The following FGFRL1 variants were observed in gnomAD, a reference collection of about 807,000 sequenced individuals.
FGFRL1 encodes fibroblast growth factor receptor-like 1.
Under a neutral mutation model 36.8 loss-of-function variants are expected in FGFRL1, and 24 were observed. That is an observed-to-expected ratio of 0.65 (90% CI 0.47 to 0.92). FGFRL1 has a LOEUF of 0.92. FGFRL1 is among the 40% of genes least tolerant of loss of function. The pLI is 0.00. For synonymous variants in FGFRL1, 422 were observed against 344.1 expected (o/e 1.23, Z -2.50); for missense variants, 785 against 753.4 (o/e 1.04, Z -0.49).
upstream of FGFRL1, among the ~76,000 whole-genome samples, chr4:1,010,526 G>C (rs1715530381): frequency 6.6e-6 from 1 of 152,252 alleles, no homozygotes; most frequent in South Asian, 2.1e-4. Flanking sequence ...TCCAGTTTCA[G>C]CCTTTCCTGG....
intron 2 of FGFRL1, among the ~76,000 whole-genome samples, chr4:1,013,680 T>G (rs1014254668): frequency 3.3e-5 from 5 of 152,254 alleles, no homozygotes; most frequent in East Asian, 1.9e-4. Context: ...TTGATCTGTT[T>G]GGCCTCCCCA....
chr4:1,022,657 G>A (rs1211294954), intron 3 of FGFRL1, among the ~76,000 whole-genome samples, 182 bp downstream of exon 3: 2 of 152,146 alleles, frequency 1.3e-5, no homozygotes, highest in African/African-American at 4.8e-5. Context: ...CAGGTATCCT[G>A]TCCCGTTCCT....
intron 2 of FGFRL1, among the ~76,000 whole-genome samples, chr4:1,021,729 G>T (rs1193599396): frequency 2.0e-5 from 3 of 152,208 alleles, no homozygotes; most frequent in Admixed American, 6.5e-5. Context: ...GGGGCCTGGG[G>T]CCTCTTTGGG....
chr4:1,023,518 C>T lies in FGFRL1; in HGVS notation c.353-123C>T, dbSNP rs1037150653. 3 of 890,526 alleles carry T rather than the reference C, an allele frequency of 3.4e-6. No individual in the cohort carries two copies. The highest frequency in any genetic ancestry group is 3.3e-5 in the African/African-American group (2 of 59,932). The allele number at this position is 890,526 out of a possible 1,614,324, so 55.2% of individuals were successfully genotyped here. A position where few individuals can be genotyped will look rare whatever the true frequency, so the allele number is the denominator to read the frequency against. On this transcript the variant is annotated intron_variant, in intron 3 of 6. Coordinates refer to ENST00000510644, the MANE Select transcript of FGFRL1 (RefSeq NM_001004356.3). The surrounding 1 kb of genome is among the most constrained non-coding windows in gnomAD (Gnocchi z 6.0). ...GGGCTGTGGGTGTGTGGCGCAGCCC[C>T]CTGCCTGGGTGTCCAGGGCTGTCCC...
chr4:1,025,882 CGT>C lies in FGFRL1; in HGVS notation c.*539_*540del, dbSNP rs1553920243. On this transcript the variant is annotated 3_prime_UTR_variant, in exon 7 of 7. Transcript: ENST00000510644. ...TATTGCCTGGACACACACACACACA[CGT>C]GTGCACAGATATGCTGTCTGGACAC... is the stretch of plus-strand genomic sequence containing the variant. 22 of 175,550 alleles carry C rather than the reference CGT, an allele frequency of 1.3e-4. No homozygotes were observed. The highest frequency in any genetic ancestry group is 8.4e-4 in the South Asian group (6 of 7,150). 10.9% of individuals were successfully genotyped at this position (175,550 alleles called of 1,614,324 possible).
rs539284106 is a variant in FGFRL1, at chr4:1,021,838, A to T, written c.80-365A>T. Among the ~76,000 whole-genome samples the T allele has an allele frequency of 4.8e-4, 73 of 152,276 alleles. 2 individuals carry two copies. The South Asian group carries it at 0.014, about 30-fold the overall frequency. ...GGCTGCTTCCTGTATGACCAGAAGG[A>T]GACTCTGCCCTTTTGGTTGGTGGTT... On this transcript the variant is annotated intron_variant, in intron 2 of 6. Transcript: ENST00000510644.
chr4:1,023,995 G>T lies in FGFRL1; in HGVS notation c.612G>T (p.Trp204Cys). ...CCGCTGAGCCCAGGAAGAAGAAGTG[G>T]ACACTGAGCCTGAAGAACCTGCGGC... ...PEAAEPRKKK[W>C]TLSLKNLRPE... is the part of the protein sequence containing the mutation. Residue 204 changes from tryptophan to cysteine, a missense_variant, in exon 5 of 7, where the codon TGG (tryptophan) becomes TGT (cysteine). Physicochemically the swap from Trp to Cys is radical, Grantham distance 215. Transcript: ENST00000510644. The surrounding 1 kb of genome is among the most constrained non-coding windows in gnomAD (Gnocchi z 6.0). The T allele has an allele frequency of 6.2e-7, 1 of 1,606,582 alleles. No individual in the cohort carries two copies.
Position 1,025,921 on chromosome 4 carries a change from C to CG in FGFRL1, c.*574_*575insG. ...TGCTGTCTGGACACGCACACACATGCAGATATGCTGCCTGGACACACACTT... is the reference window on the plus strand; with the variant it reads ...TGCTGTCTGGACACGCACACACATGCGAGATATGCTGCCTGGACACACACTT... On this transcript the variant is annotated 3_prime_UTR_variant, in exon 7 of 7. Coordinates refer to ENST00000510644, the MANE Select transcript of FGFRL1 (RefSeq NM_001004356.3). 1.2e-5 allele frequency: 2 copies of CG among 164,864 alleles called. No homozygotes were observed. The highest frequency in any genetic ancestry group is 2.6e-5 in the Non-Finnish European group (2 of 76,464). 10.2% of individuals were successfully genotyped at this position (164,864 alleles called of 1,614,324 possible).
At chr4:1,012,135 C>A (rs1157769783) in intron 1 of FGFRL1, 181 bp downstream of exon 1, 9 of 187,716 alleles carry the variant, frequency 4.8e-5, no homozygotes, top group Non-Finnish European at 2.2e-5. Context: ...CACGTGGGCC[C>A]CCCCCAGCGC....
chr4:1,022,559 G>A, intron 3 of FGFRL1, 84 bp downstream of exon 3: 1 of 1,463,448 alleles, frequency 6.8e-7, no homozygotes, highest in Non-Finnish European at 9.0e-7. Flanking sequence ...GACACACCTG[G>A]GGCCCGAGAG....
intron 3 of FGFRL1, among the ~76,000 whole-genome samples, chr4:1,022,761 G>A (rs777496069): frequency 6.6e-5 from 10 of 152,244 alleles, no homozygotes; most frequent in Non-Finnish European, 8.8e-5. Flanking sequence ...CAGAAGGGCT[G>A]GGGCCCGAGG....
In FGFRL1 at chr4:1,024,530, C is replaced by T. The variant is rs200863947; in HGVS notation, c.938C>T (p.Ser313Leu). 223 of 1,612,456 alleles carry T rather than the reference C, an allele frequency of 1.4e-4. No homozygotes were observed. Among genetic ancestry groups the T allele is most frequent in the Non-Finnish European group, 1.8e-4 (215 of 1,179,864 alleles). ...GTGCTGCCCACGGGTGACGTGTGGT[C>T]GCGGCCCGACGGCTCCTACCTCAAT... The part of the protein sequence containing the change: ...FVVLPTGDVW[S>L]RPDGSYLNKL... The change falls in exon 6 of 7, where the codon TCG becomes TTG. Residue 313 changes from serine to leucine, a missense_variant. By Grantham distance (145) the Ser-to-Leu change is moderately radical. Transcript: ENST00000510644.
chr4:1,024,750 C>T (rs771754046), intron 6 of FGFRL1, 86 bp downstream of exon 6: 23 of 1,450,252 alleles, frequency 1.6e-5, no homozygotes, highest in Non-Finnish European at 1.9e-5. Flanking sequence ...GGTGGGGCCC[C>T]ACCCTTCCCT....
intron 2 of FGFRL1, among the ~76,000 whole-genome samples, chr4:1,017,678 C>T (rs550795453): frequency 6.6e-6 from 1 of 152,286 alleles, no homozygotes; most frequent in South Asian, 2.1e-4. Flanking sequence ...GGTCCTAGCT[C>T]GTGTCTTCTC....
chr4:1,012,869 G>A (rs960419569), intron 2 of FGFRL1, among the ~76,000 whole-genome samples: 62 of 152,260 alleles, frequency 4.1e-4, no homozygotes, highest in African/African-American at 1.4e-3. Flanking sequence ...CGTACCTGCA[G>A]TCCAGGGCAG....
At chr4:1,017,943 C>T (rs915739957) in intron 2 of FGFRL1, among the ~76,000 whole-genome samples, 64 of 152,294 alleles carry the variant, frequency 4.2e-4, no homozygotes, top group East Asian at 1.4e-3. Context: ...TGCCAGGCCT[C>T]GGGACACCAC....
intron 5 of FGFRL1, 34 bp downstream of exon 5, chr4:1,024,135 G>T (rs770742296): frequency 7.5e-5 from 105 of 1,403,034 alleles, no homozygotes; most frequent in Non-Finnish European, 8.5e-5. Context: ...CGGGCGGGGG[G>T]TGCTGGTGGG....
At chr4:1,013,053 C>T (rs1240091636) in intron 2 of FGFRL1, among the ~76,000 whole-genome samples, 1 of 152,212 alleles carries the variant, frequency 6.6e-6, no homozygotes, top group Non-Finnish European at 1.5e-5. Context: ...GTCCCCCAGC[C>T]GACCTAGCCG....
In FGFRL1 at chr4:1,023,618, T is replaced by C. The variant is rs765519904; in HGVS notation, c.353-23T>C. ...CAGGGCCCCCCTCACCTGCCCTCCC[T>C]GTGCACCTCCGTCTCTCTGCAGATG... On this transcript the variant is annotated intron_variant, in intron 3 of 6. Coordinates refer to ENST00000510644, the MANE Select transcript of FGFRL1 (RefSeq NM_001004356.3). This position sits in a 1 kb window ranked among gnomAD's most constrained non-coding sequence, Gnocchi z 6.0. The C allele has an allele frequency of 1.3e-6, 2 of 1,581,754 alleles. No individual in the cohort carries two copies. Among genetic ancestry groups the C allele is most frequent in the South Asian group, 1.2e-5 (1 of 86,456 alleles).
Sources: allele counts gnomAD v4.1 joint callset (sites outside exome capture counted in the v4.1 genomes callset), GRCh38; gene constraint gnomAD v4.1.1; non-coding constraint Gnocchi (gnomAD v3.1); transcripts MANE v1.5; gene names NCBI Gene and HGNC (gene_info 2026-07-23, HGNC 2026-07-21).